Variants in CREBBP observed in about 807,000 individuals in gnomAD.
CREBBP encodes the protein CREB-binding protein.
A neutral mutation model predicts 265.0 loss-of-function variants in CREBBP; 19 were observed. That is an observed-to-expected ratio of 0.07 (90% CI 0.05 to 0.11). CREBBP has a LOEUF of 0.11. Among genes scored for constraint, CREBBP ranks in the 10% least tolerant of loss-of-function variants. The pLI, the probability that CREBBP is intolerant of heterozygous loss-of-function variation, is 1.00. For missense variants in CREBBP, 2,525 were observed against 3,219.0 expected, an observed-to-expected ratio of 0.78 and a Z score of 5.22; for synonymous variants, 1,457 against 1,223.7, an observed-to-expected ratio of 1.19 and a Z score of -3.98.
intron 28 of CREBBP, among the ~76,000 whole-genome samples, chr16:3,733,766 C>G (rs1254266504): frequency 6.6e-6 from 1 of 152,116 alleles, no homozygotes; most frequent in East Asian, 1.9e-4. Context: ...CTCAGCCTCC[C>G]AAGTAGCTGG....
At chr16:3,743,522 A>G (rs928995495) in intron 23 of CREBBP, 21 of 152,142 alleles carry the variant, frequency 1.4e-4, no homozygotes, top group African/African-American at 4.8e-4. Context: ...GAGCTCCCCA[A>G]ATGACCCTGG....
chr16:3,846,473 T>C (rs73503926), intron 2 of CREBBP, among the ~76,000 whole-genome samples: 2,233 of 152,324 alleles, frequency 0.015, 60 homozygotes, highest in African/African-American at 0.052. Flanking sequence ...CTAGCAGATA[T>C]GGTCACTCAG....
intron 1 of CREBBP, among the ~76,000 whole-genome samples, chr16:3,874,653 C>T (rs7202140): frequency 6.6e-6 from 1 of 152,050 alleles, no homozygotes; most frequent in Non-Finnish European, 1.5e-5. Flanking sequence ...AGAGTTCTAG[C>T]GTCAAACAGG....
At chr16:3,848,128 C>G (rs955079994) in intron 2 of CREBBP, among the ~76,000 whole-genome samples, 7 of 151,600 alleles carry the variant, frequency 4.6e-5, no homozygotes, top group Non-Finnish European at 4.4e-5. Context: ...CCAGATGGTG[C>G]CACTGCACTC....
intron 20 of CREBBP, among the ~76,000 whole-genome samples, chr16:3,750,253 G>A (rs1417677633): frequency 2.6e-5 from 4 of 152,168 alleles, no homozygotes; most frequent in Non-Finnish European, 5.9e-5. Flanking sequence ...AGACTAAAGA[G>A]AATTAGGATG....
intron 3 of CREBBP, among the ~76,000 whole-genome samples, chr16:3,805,058 T>C (rs766725606): frequency 1.3e-5 from 2 of 152,244 alleles, no homozygotes; most frequent in Admixed American, 6.5e-5. Context: ...TATTTTGTGC[T>C]TAAATTATGT....
intron 3 of CREBBP, among the ~76,000 whole-genome samples, chr16:3,808,055 C>T (rs1189639670): frequency 6.8e-6 from 1 of 148,052 alleles, no homozygotes; most frequent in Non-Finnish European, 1.5e-5. Flanking sequence ...AATGCTTTCT[C>T]AGTTTACCCT....
At chr16:3,822,612 C>T (rs1329512586) in intron 2 of CREBBP, among the ~76,000 whole-genome samples, 1 of 152,108 alleles carries the variant, frequency 6.6e-6, no homozygotes, top group East Asian at 1.9e-4. Context: ...ATCTCCTGGA[C>T]CTCAGTGGCA....
At chr16:3,855,547 G>A (rs2054943548) in intron 1 of CREBBP, among the ~76,000 whole-genome samples, 1 of 152,238 alleles carries the variant, frequency 6.6e-6, no homozygotes, top group African/African-American at 2.4e-5. Flanking sequence ...TTACAGGCGT[G>A]AGCCATTGCA....
chr16:3,810,573 C>A, intron 3 of CREBBP, 30 bp downstream of exon 3: 1 of 1,611,932 alleles, frequency 6.2e-7, no homozygotes, highest in Non-Finnish European at 8.5e-7. Flanking sequence ...CACCGGAGAG[C>A]CATAACACTG....
rs190101464 is a variant in CREBBP at position 3,796,175 on chromosome 16, C to T, written c.976-2549G>A. Among the ~76,000 whole-genome samples, 1,023 of 152,262 alleles carry T rather than the reference C, an allele frequency of 6.7e-3. 12 individuals carry two copies. The highest frequency in any genetic ancestry group is 0.017 in the Middle Eastern group (5 of 294). Reference sequence around the variant, plus strand: ...TAAAAATTAGGCAAAAAATTTAGCTCTACAAGTAAATTATAACCAGACTGT... The same window carrying T: ...TAAAAATTAGGCAAAAAATTTAGCTTTACAAGTAAATTATAACCAGACTGT... On this transcript the variant is annotated intron_variant, in intron 3 of 30. Transcript: ENST00000262367.
At chr16:3,817,599 C>T (rs2054063585) in intron 2 of CREBBP, among the ~76,000 whole-genome samples, 1 of 152,160 alleles carries the variant, frequency 6.6e-6, no homozygotes, top group Admixed American at 6.5e-5. Flanking sequence ...CCTTCAATAT[C>T]ATCAGAAAAA....
intron 3 of CREBBP, among the ~76,000 whole-genome samples, chr16:3,803,955 G>A (rs1013568511): frequency 6.6e-6 from 1 of 151,870 alleles, no homozygotes; most frequent in Admixed American, 6.6e-5. Flanking sequence ...ATGGTGGCAC[G>A]TGCCTGTGGT....
At chr16:3,813,833 T>C (rs2053983713) in intron 2 of CREBBP, among the ~76,000 whole-genome samples, 1 of 152,194 alleles carries the variant, frequency 6.6e-6, no homozygotes, top group Admixed American at 6.5e-5. Context: ...CAACGTCTTT[T>C]GGAAGTTTCT....
At chr16:3,821,191 T>A (rs1342388881) in intron 2 of CREBBP, among the ~76,000 whole-genome samples, 4 of 152,264 alleles carry the variant, frequency 2.6e-5, no homozygotes, top group African/African-American at 9.6e-5. Flanking sequence ...TCTTTCTGAT[T>A]CTAAAAATCT....
chr16:3,846,866 A>G (rs1168911338), intron 2 of CREBBP, among the ~76,000 whole-genome samples: 1 of 152,240 alleles, frequency 6.6e-6, no homozygotes, highest in South Asian at 2.1e-4. Context: ...GGGAGAACCA[A>G]AATTCAAGAA....
intron 5 of CREBBP, among the ~76,000 whole-genome samples, 200 bp from the exon 6 acceptor site, chr16:3,783,126 C>T (rs934497821): frequency 6.6e-6 from 1 of 152,044 alleles, no homozygotes; most frequent in African/African-American, 2.4e-5. Context: ...AAGTGAGGAA[C>T]AAAAAGTTAA....
chr16:3,876,488 A>T (rs1421557045), intron 1 of CREBBP, among the ~76,000 whole-genome samples: 1 of 151,540 alleles, frequency 6.6e-6, no homozygotes, highest in Admixed American at 6.6e-5. Context: ...TATACTGTTA[A>T]ATCATGAATC....
chr16:3,793,271 A>G lies in CREBBP; in HGVS notation c.1216+115T>C, dbSNP rs3025699. 14,083 of 1,422,236 alleles carry G rather than the reference A, an allele frequency of 9.9e-3. 961 individuals are homozygous for G. The African/African-American group carries it at 0.16, about 16-fold the overall frequency. The allele number at this position is 1,422,236 out of a possible 1,614,324, so 88.1% of individuals were successfully genotyped here. The stretch of plus-strand genomic sequence containing the variant: ...AGCGCAACATGTCTTGCCACACCCA[A>G]TGGAAGGCAGCACTCAGGCTGCCGG... On this transcript the variant is annotated intron_variant, in intron 4 of 30. Coordinates refer to ENST00000262367, the MANE Select transcript of CREBBP (RefSeq NM_004380.3).
Sources: allele counts gnomAD v4.1 joint callset (sites outside exome capture counted in the v4.1 genomes callset), GRCh38; gene constraint gnomAD v4.1.1; transcripts MANE v1.5; gene names NCBI Gene and HGNC (gene_info 2026-07-23, HGNC 2026-07-21).